The following MAP3K1 variants were observed in gnomAD, a reference collection of about 807,000 sequenced individuals.
MAP3K1 encodes mitogen-activated protein kinase kinase kinase 1.
A neutral mutation model predicts 144.2 loss-of-function variants in MAP3K1; 36 were observed. That is an observed-to-expected ratio of 0.25 (90% confidence interval 0.19 to 0.33). MAP3K1 has a LOEUF of 0.33. Ranked by LOEUF, MAP3K1 falls within the 10% of genes least tolerant of loss-of-function variation. The pLI is 1.00. For synonymous variants in MAP3K1, 718 were observed against 688.7 expected (o/e 1.04, Z -0.67); for missense variants, 1,650 against 1,881.9 (o/e 0.88, Z 2.28).
At chr5:56,828,106 T>TC (rs1216107788) in intron 1 of MAP3K1, among the ~76,000 whole-genome samples, 2 of 152,180 alleles carry the variant, frequency 1.3e-5, no homozygotes, top group African/African-American at 2.4e-5. Context: ...GTTAAGAGCC[T>TC]CCCCCAAGGT....
At position 56,859,843 on chromosome 5, in the gene MAP3K1, C is replaced by T. The variant is rs199726815; in HGVS notation, c.762C>T (p.Gly254=). The change falls in exon 3 of 20, where the codon GGC becomes GGT. Residue 254 remains glycine, a synonymous_variant. Transcript: ENST00000399503. ...AAGGCCGACGCAGTCCTTCTCCTGG[C>T]AACTCCCCATCAGGTCGCACAGTGA... The part of the protein sequence containing the change: ...ASKGRRSPSP[G]NSPSGRTVKS... The T allele has an allele frequency of 2.6e-4, 414 of 1,613,862 alleles. No homozygotes were observed. The African/African-American group carries it at 5.0e-3, about 20-fold the overall frequency.
chr5:56,830,617 ATATTT>A (rs1331624041), intron 1 of MAP3K1, among the ~76,000 whole-genome samples: 1 of 152,192 alleles, frequency 6.6e-6, no homozygotes, highest in East Asian at 1.9e-4. Flanking sequence ...TTAAAAATAA[ATATTT>A]TATAAATCAT....
rs145859402 is a variant in MAP3K1, at chr5:56,827,231, G to A, written c.482+11176G>A. On this transcript the variant is annotated intron_variant, in intron 1 of 19. Coordinates refer to ENST00000399503, the MANE Select transcript of MAP3K1 (RefSeq NM_005921.2). ...TGGCTCTGGCCAGAGAGAGAGCCACGCAGAGCTCTCTGCCTCGTATTGCCC... is the reference window on the plus strand; with the variant it reads ...TGGCTCTGGCCAGAGAGAGAGCCACACAGAGCTCTCTGCCTCGTATTGCCC... Among the ~76,000 whole-genome samples, 1,104 of 152,312 alleles carry A rather than the reference G, an allele frequency of 7.2e-3. 23 individuals carry two copies. Among genetic ancestry groups the A allele is most frequent in the African/African-American group, 0.024 (1,005 of 41,562 alleles).
At chr5:56,860,729 T>G (rs1351863886) in intron 3 of MAP3K1, among the ~76,000 whole-genome samples, 2 of 151,990 alleles carry the variant, frequency 1.3e-5, no homozygotes, top group Admixed American at 1.3e-4. Flanking sequence ...GGCAGATGCC[T>G]GTAATCCCAG....
At chr5:56,827,012 A>G (rs1267604488) in intron 1 of MAP3K1, among the ~76,000 whole-genome samples, 1 of 152,206 alleles carries the variant, frequency 6.6e-6, no homozygotes, top group Non-Finnish European at 1.5e-5. Flanking sequence ...GCACCAAGCC[A>G]AGTCCCGATA....
intron 1 of MAP3K1, among the ~76,000 whole-genome samples, chr5:56,838,187 T>C (rs1746711011): frequency 6.6e-6 from 1 of 152,138 alleles, no homozygotes; most frequent in South Asian, 2.1e-4. Context: ...AAAAAGAATA[T>C]TCATATGCAT....
intron 13 of MAP3K1, 59 bp downstream of exon 13, chr5:56,881,331 C>T (rs1468199223): frequency 7.2e-7 from 1 of 1,393,632 alleles, no homozygotes; most frequent in Non-Finnish European, 1.0e-6. Flanking sequence ...ACACCCTCCT[C>T]AAGAATGACA....
rs942550524 is a variant in MAP3K1, at chr5:56,865,936, A to G, written c.1260A>G (p.Thr420=). The change falls in exon 6 of 20, where the codon ACA becomes ACG. Residue 420 remains threonine (T), a synonymous_variant. Coordinates refer to ENST00000399503, the MANE Select transcript of MAP3K1 (RefSeq NM_005921.2). ...TTTCACGCATGTCAAATTCTCATAC[A>G]TTGTCATCATCTAGTACTTCTACGT... ...KFVSRMSNSH[T]LSSSSTSTSS... 1.2e-6 allele frequency: 2 copies of G among 1,612,688 alleles called. No individual in the cohort carries two copies. Among genetic ancestry groups the G allele is most frequent in the South Asian group, 1.1e-5 (1 of 91,046 alleles).
At position 56,872,080 on chromosome 5, in the gene MAP3K1, G is replaced by C. The variant is rs778360458; in HGVS notation, c.1423+49G>C. On this transcript the variant is annotated intron_variant, in intron 7 of 19. Coordinates refer to ENST00000399503, the MANE Select transcript of MAP3K1 (RefSeq NM_005921.2). ...TGCTTACTCAACACAGTTGCTCTCT[G>C]AGCTAACTATGTTATTTAAGAGTGT... is the stretch of plus-strand genomic sequence containing the variant. 6.8e-6 allele frequency: 11 copies of C among 1,611,234 alleles called. No individual in the cohort carries two copies. The South Asian group carries it at 1.1e-4, about 16-fold the overall frequency.
chr5:56,824,165 C>A (rs1459131311), intron 1 of MAP3K1, among the ~76,000 whole-genome samples: 1 of 152,080 alleles, frequency 6.6e-6, no homozygotes, highest in Non-Finnish European at 1.5e-5. Context: ...AGCCAAGAAC[C>A]CATGTAACAA....
chr5:56,844,483 A>G (rs1746930887), intron 1 of MAP3K1, among the ~76,000 whole-genome samples: 1 of 151,806 alleles, frequency 6.6e-6, no homozygotes, highest in Non-Finnish European at 1.5e-5. Context: ...CCGGCCTAGG[A>G]TATTATTTTG....
At chr5:56,881,001 C>A (rs1748187641) in intron 12 of MAP3K1, 82 bp from the exon 13 acceptor site, 2 of 1,239,524 alleles carry the variant, frequency 1.6e-6, no homozygotes, top group Admixed American at 3.9e-5. Context: ...TTTTTGTTGG[C>A]CTTACACCAT....
chr5:56,866,264 T>C (rs1001216531), intron 6 of MAP3K1, among the ~76,000 whole-genome samples: 2 of 151,944 alleles, frequency 1.3e-5, no homozygotes, highest in African/African-American at 4.8e-5. Flanking sequence ...GTAAAATAAT[T>C]AGCTGGGAGT....
chr5:56,857,009 C>T (rs1337768492), intron 2 of MAP3K1, among the ~76,000 whole-genome samples: 1 of 152,112 alleles, frequency 6.6e-6, no homozygotes, highest in Admixed American at 6.5e-5. Flanking sequence ...ATGTCAGTAT[C>T]TAAAATCCTT....
chr5:56,846,083 T>A (rs2111830663), intron 1 of MAP3K1, among the ~76,000 whole-genome samples: 1 of 152,364 alleles, frequency 6.6e-6, no homozygotes. Context: ...ACAGTAACTT[T>A]ACAATTCATT....
At chr5:56,847,130 A>C (rs969199888) in intron 1 of MAP3K1, among the ~76,000 whole-genome samples, 4 of 152,152 alleles carry the variant, frequency 2.6e-5, no homozygotes, top group Admixed American at 6.5e-5. Flanking sequence ...TCTTTTTCTT[A>C]GTGTTTATCT....
rs1454632201 is a variant in MAP3K1 at position 56,844,305 on chromosome 5, G to A, written c.483-12295G>A. 3.6e-5 allele frequency among the ~76,000 whole-genome samples: 5 copies of A among 138,268 alleles called. No individual in the cohort carries two copies. The South Asian group carries it at 9.9e-4, about 27-fold the overall frequency. The allele number at this position is 138,268 out of a possible 152,430, so 90.7% of individuals were successfully genotyped here. A position where few individuals can be genotyped will look rare whatever the true frequency, so the allele number is the denominator to read the frequency against. ...TGCCATTCTCCAGCCTCAGCCTCCC[G>A]AGTAGCTGGGACTACAGGTGCCCGC... On this transcript the variant is annotated intron_variant, in intron 1 of 19. Transcript: ENST00000399503.
intron 1 of MAP3K1, among the ~76,000 whole-genome samples, chr5:56,834,589 A>G (rs993197696): frequency 2.6e-5 from 4 of 152,172 alleles, no homozygotes; most frequent in African/African-American, 9.7e-5. Context: ...GGTGCCTGTA[A>G]TCCCAGCTAC....
chr5:56,881,408 A>G (rs1748202177), intron 13 of MAP3K1, 136 bp downstream of exon 13: 6 of 985,540 alleles, frequency 6.1e-6, no homozygotes, highest in East Asian at 2.6e-5. Context: ...TGATTGACAT[A>G]TGAAAACCCA....
Sources: gnomAD v4.1 joint callset for allele counts (sites outside exome capture counted in the v4.1 genomes callset) on GRCh38, gnomAD v4.1.1 for gene constraint, MANE v1.5 for transcripts, NCBI Gene and HGNC (gene_info 2026-07-23, HGNC 2026-07-21) for gene names.